Variants in DENND1A observed in about 807,000 individuals in gnomAD.
The protein encoded by DENND1A is DENN domain-containing protein 1A.
A neutral mutation model predicts 113.7 loss-of-function variants in DENND1A; 51 were observed. That is an observed-to-expected ratio of 0.45 (90% CI 0.36 to 0.57). The LOEUF (loss-of-function observed/expected upper bound fraction) is 0.57. Among genes scored for constraint, DENND1A ranks in the 20% least tolerant of loss-of-function variants. The probability of loss-of-function intolerance (pLI) is 0.00; values close to 1 mark genes in which losing one functional copy is unlikely to be tolerated. For synonymous variants in DENND1A, 565 were observed against 570.8 expected (o/e 0.99, Z 0.14); for missense variants, 1,258 against 1,395.9 (o/e 0.90, Z 1.57).
chr9:123,473,903 G>A (rs1357009149), intron 13 of DENND1A, among the ~76,000 whole-genome samples: 5 of 151,812 alleles, frequency 3.3e-5, no homozygotes, highest in Non-Finnish European at 7.4e-5. Flanking sequence ...CTTCTGCTCT[G>A]CTGGTATTGG....
chr9:123,553,359 A>C (rs1429575346), intron 13 of DENND1A, among the ~76,000 whole-genome samples: 2 of 151,888 alleles, frequency 1.3e-5, no homozygotes, highest in Non-Finnish European at 2.9e-5. Context: ...ACTTGACAGA[A>C]ATCTCTGAGG....
chr9:123,872,845 T>C (rs957257630), intron 2 of DENND1A, among the ~76,000 whole-genome samples: 5 of 152,296 alleles, frequency 3.3e-5, no homozygotes, highest in African/African-American at 9.6e-5. Flanking sequence ...ACAAAATGTA[T>C]ACTAAATCCT....
At chr9:123,415,260 G>A (rs1480544067) in intron 19 of DENND1A, among the ~76,000 whole-genome samples, 1 of 152,128 alleles carries the variant, frequency 6.6e-6, no homozygotes, top group Non-Finnish European at 1.5e-5. Context: ...GCGGGTTGTC[G>A]GCACGAGGGG....
At chr9:123,831,676 C>A (rs1034729094) in intron 2 of DENND1A, among the ~76,000 whole-genome samples, 1 of 152,164 alleles carries the variant, frequency 6.6e-6, no homozygotes, top group African/African-American at 2.4e-5. Context: ...AAAGGATGAT[C>A]TTTGCAATAA....
chr9:123,774,772 T>C (rs183553964), intron 3 of DENND1A, among the ~76,000 whole-genome samples: 3 of 152,318 alleles, frequency 2.0e-5, no homozygotes, highest in Non-Finnish European at 2.9e-5. Context: ...CAATTTTATA[T>C]GTAATACCTA....
chr9:123,830,244 T>C (rs1312391513), intron 2 of DENND1A, among the ~76,000 whole-genome samples: 1 of 152,166 alleles, frequency 6.6e-6, no homozygotes, highest in Non-Finnish European at 1.5e-5. Flanking sequence ...GAGAATTCCA[T>C]TTCTGTAAGG....
chr9:123,660,658 C>G, intron 8 of DENND1A, among the ~76,000 whole-genome samples: 1 of 152,148 alleles, frequency 6.6e-6, no homozygotes, highest in East Asian at 1.9e-4. Flanking sequence ...AGGAAAAGCA[C>G]AGTTAAAACA....
intron 10 of DENND1A, 77 bp downstream of exon 10, chr9:123,630,299 A>G: frequency 1.2e-6 from 1 of 858,468 alleles, no homozygotes; most frequent in East Asian, 3.6e-5. Context: ...CACCAACTGC[A>G]TTAACAAGTG....
chr9:123,385,603 G>A (rs978486150), intron 22 of DENND1A, among the ~76,000 whole-genome samples: 3 of 152,208 alleles, frequency 2.0e-5, no homozygotes, highest in South Asian at 2.1e-4. Flanking sequence ...GCACCAGGGT[G>A]GGGGACATGG....
At chr9:123,863,792 T>C (rs1845415861) in intron 2 of DENND1A, among the ~76,000 whole-genome samples, 1 of 152,194 alleles carries the variant, frequency 6.6e-6, no homozygotes, top group African/African-American at 2.4e-5. Context: ...ACATATATTT[T>C]TCTCTCTCTC....
intron 1 of DENND1A, among the ~76,000 whole-genome samples, chr9:123,889,591 G>A (rs899528880): frequency 7.9e-5 from 12 of 152,166 alleles, no homozygotes; most frequent in Admixed American, 1.3e-4. Flanking sequence ...GGATTGTGCA[G>A]TCAGAAAGAA....
chr9:123,900,749 C>T (rs1018248182), intron 1 of DENND1A, among the ~76,000 whole-genome samples: 2 of 152,162 alleles, frequency 1.3e-5, no homozygotes, highest in Non-Finnish European at 2.9e-5. Flanking sequence ...AAAATACTTA[C>T]TTCATAGGAT....
intron 2 of DENND1A, among the ~76,000 whole-genome samples, chr9:123,824,397 T>A (rs1307311795): frequency 6.6e-6 from 1 of 152,246 alleles, no homozygotes; most frequent in Non-Finnish European, 1.5e-5. Flanking sequence ...TTCATCTTTG[T>A]AAATTCTAAC....
intron 12 of DENND1A, among the ~76,000 whole-genome samples, chr9:123,558,603 C>T (rs191024112): frequency 2.6e-5 from 4 of 152,248 alleles, no homozygotes; most frequent in East Asian, 1.9e-4. Context: ...CACAGGTCCA[C>T]GTACTACAAA....
At chr9:123,755,121 ATTT>A (rs59565749) in intron 5 of DENND1A, among the ~76,000 whole-genome samples, 12 of 132,796 alleles carry the variant, frequency 9.0e-5, no homozygotes, top group East Asian at 2.2e-4. Flanking sequence ...TTATACACAG[ATTT>A]TTTTTTTTTT....
chr9:123,418,122 A>C (rs2044900244), intron 19 of DENND1A, among the ~76,000 whole-genome samples: 1 of 152,188 alleles, frequency 6.6e-6, no homozygotes, highest in Admixed American at 6.5e-5. Context: ...TTGGTATAGA[A>C]AATGCATTGG....
At chr9:123,648,102 C>G (rs2139292920) in intron 9 of DENND1A, among the ~76,000 whole-genome samples, 1 of 152,240 alleles carries the variant, frequency 6.6e-6, no homozygotes, top group South Asian at 2.1e-4. Context: ...TTTTCAGAGA[C>G]AAGGTCTCAC....
At chr9:123,630,612 G>C in intron 9 of DENND1A, 136 bp from the exon 10 acceptor site, 1 of 521,122 alleles carries the variant, frequency 1.9e-6, no homozygotes, top group Non-Finnish European at 3.0e-6. Flanking sequence ...ATCATTCTAA[G>C]TTAACTCAAT....
chr9:123,900,625 T>C (rs575298188), intron 1 of DENND1A, among the ~76,000 whole-genome samples: 3 of 152,328 alleles, frequency 2.0e-5, no homozygotes, highest in South Asian at 4.1e-4. Context: ...CAGACTAGCA[T>C]GGAAGACAAA....
Sources: allele counts gnomAD v4.1 joint callset (sites outside exome capture counted in the v4.1 genomes callset), GRCh38; gene constraint gnomAD v4.1.1; transcripts MANE v1.5; gene names NCBI Gene and HGNC (gene_info 2026-07-23, HGNC 2026-07-21).